CCSER1: variants seen among roughly 807,000 people sequenced by gnomAD.
CCSER1 encodes coiled-coil serine rich protein 1, also known as serine-rich coiled-coil domain-containing protein 1.
In CCSER1, 41 loss-of-function variants were observed where a neutral mutation model predicts 82.0. That is an observed-to-expected ratio of 0.50 (90% CI 0.39 to 0.65). CCSER1 has a LOEUF of 0.65. CCSER1 is among the 30% of genes least tolerant of loss of function. The pLI is 0.00. For missense variants in CCSER1, 1,119 were observed against 1,064.2 expected (o/e 1.05, Z -0.72); for synonymous variants, 414 against 383.9 (o/e 1.08, Z -0.92).
intron 10 of CCSER1, among the ~76,000 whole-genome samples, chr4:91,229,309 C>A (rs1738439774): frequency 6.8e-6 from 1 of 146,256 alleles, no homozygotes; most frequent in Non-Finnish European, 1.5e-5. Flanking sequence ...AAAAGGTACT[C>A]AAGTGAAGAA....
intron 5 of CCSER1, among the ~76,000 whole-genome samples, chr4:90,556,386 A>G (rs1484456501): frequency 6.6e-6 from 1 of 152,138 alleles, no homozygotes; most frequent in Non-Finnish European, 1.5e-5. Flanking sequence ...GTCTTAGGAT[A>G]TATATACTAA....
In CCSER1 at chr4:90,725,812, A is replaced by G. The variant is rs554701430; in HGVS notation, c.2010+1821A>G. ...ATAGAAGACATTTAAGTTTTCTTAT[A>G]ACCACATTCTGAAAAAGTCTAATAT... On this transcript the variant is annotated intron_variant, in intron 7 of 10. Transcript: ENST00000509176. Among the ~76,000 whole-genome samples the G allele has an allele frequency of 3.4e-4, 52 of 151,992 alleles. 1 individual carries two copies. In the South Asian group the frequency reaches 0.011, roughly 31 times the overall value.
At chr4:90,270,817 C>A (rs546081334) in intron 1 of CCSER1, among the ~76,000 whole-genome samples, 4 of 152,132 alleles carry the variant, frequency 2.6e-5, no homozygotes, top group African/African-American at 9.6e-5. Flanking sequence ...TCAATATATA[C>A]AATTCAGTAG....
intron 10 of CCSER1, among the ~76,000 whole-genome samples, chr4:91,437,655 C>T (rs972426518): frequency 2.4e-4 from 37 of 152,140 alleles, no homozygotes; most frequent in African/African-American, 2.4e-4. Flanking sequence ...GCGCACCCTG[C>T]GCCAGCCGAA....
chr4:90,422,147 A>G (rs1756789089), intron 4 of CCSER1, among the ~76,000 whole-genome samples: 3 of 152,204 alleles, frequency 2.0e-5, no homozygotes, highest in Admixed American at 6.5e-5. Flanking sequence ...TTGTTGGAGA[A>G]CTTGACAGGG....
At chr4:91,551,918 T>C (rs564032342) in intron 10 of CCSER1, among the ~76,000 whole-genome samples, 1 of 151,746 alleles carries the variant, frequency 6.6e-6, no homozygotes, top group African/African-American at 2.4e-5. Context: ...TTTGTAATTA[T>C]AACTTGAGCT....
chr4:91,324,294 TC>T (rs953196170), intron 10 of CCSER1, among the ~76,000 whole-genome samples: 3 of 152,164 alleles, frequency 2.0e-5, no homozygotes, highest in Non-Finnish European at 4.4e-5. Context: ...CATCAGTCTT[TC>T]GGGTCTATTT....
At chr4:90,247,864 G>T (rs116684696) in intron 1 of CCSER1, among the ~76,000 whole-genome samples, 6,801 of 150,344 alleles carry the variant, frequency 0.045, 396 homozygotes, top group African/African-American at 0.13. Flanking sequence ...GGTTTTTTTT[G>T]AAAAAAGCAT....
chr4:90,655,743 A>G (rs1729588750), intron 6 of CCSER1, among the ~76,000 whole-genome samples: 3 of 152,144 alleles, frequency 2.0e-5, no homozygotes, highest in East Asian at 1.9e-4. Context: ...GTAAACATGT[A>G]TGTGTGCATT....
chr4:90,424,763 G>A (rs1757302526), intron 4 of CCSER1, among the ~76,000 whole-genome samples: 1 of 152,076 alleles, frequency 6.6e-6, no homozygotes, highest in African/African-American at 2.4e-5. Flanking sequence ...GTATTTCATG[G>A]CCTGCTAGCA....
Position 91,300,227 on chromosome 4 carries a change from T to G in CCSER1, c.2217+214233T>G, listed in dbSNP as rs144638554. On this transcript the variant is annotated intron_variant, in intron 10 of 10. Coordinates refer to ENST00000509176, the MANE Select transcript of CCSER1 (RefSeq NM_001145065.2). ...ATATATGAACTATAATTATTTGCAA[T>G]TTTATGTTTCTGTTATCTGCTGTGG... 2.0e-5 allele frequency among the ~76,000 whole-genome samples: 3 copies of G among 152,116 alleles called. No homozygotes were observed. In the East Asian group the frequency reaches 5.8e-4, roughly 30 times the overall value.
intron 5 of CCSER1, among the ~76,000 whole-genome samples, chr4:90,477,282 C>T (rs914572231): frequency 2.0e-5 from 3 of 152,180 alleles, no homozygotes; most frequent in African/African-American, 7.2e-5. Flanking sequence ...AAATCTGAAA[C>T]ATCTCATCTC....
chr4:90,313,874 A>G (rs1455283769), intron 3 of CCSER1, among the ~76,000 whole-genome samples: 1 of 152,190 alleles, frequency 6.6e-6, no homozygotes, highest in African/African-American at 2.4e-5. Context: ...TTTAACATCT[A>G]TTATCTAAAA....
chr4:90,496,654 A>T (rs1425325741), intron 5 of CCSER1, among the ~76,000 whole-genome samples: 1 of 152,184 alleles, frequency 6.6e-6, no homozygotes, highest in Non-Finnish European at 1.5e-5. Flanking sequence ...CTTTAAATAG[A>T]TTGAAGGTAA....
At chr4:90,805,748 T>C (rs770004867) in intron 7 of CCSER1, among the ~76,000 whole-genome samples, 43 of 152,314 alleles carry the variant, frequency 2.8e-4, no homozygotes, top group Non-Finnish European at 5.3e-4. Flanking sequence ...GTCATAATTA[T>C]TAAATTATAT....
chr4:91,077,759 T>A (rs562089782), intron 9 of CCSER1, among the ~76,000 whole-genome samples: 1 of 152,332 alleles, frequency 6.6e-6, no homozygotes, highest in South Asian at 2.1e-4. Context: ...TACTGCACTT[T>A]TCCAATGGTC....
At chr4:90,441,577 T>C (rs1050268982) in intron 4 of CCSER1, among the ~76,000 whole-genome samples, 1 of 152,192 alleles carries the variant, frequency 6.6e-6, no homozygotes, top group Non-Finnish European at 1.5e-5. Flanking sequence ...TACCATCACA[T>C]TGGGGGTTAA....
chr4:91,541,726 C>T (rs2110197784), intron 10 of CCSER1, among the ~76,000 whole-genome samples: 1 of 152,224 alleles, frequency 6.6e-6, no homozygotes, highest in Middle Eastern at 3.4e-3. Flanking sequence ...GATTTATAAT[C>T]CTTTGGGTAT....
intron 10 of CCSER1, among the ~76,000 whole-genome samples, chr4:91,098,366 C>A (rs529405159): frequency 6.6e-6 from 1 of 152,184 alleles, no homozygotes; most frequent in Non-Finnish European, 1.5e-5. Context: ...AAGTAACTTG[C>A]CAACCTGCAA....
Sources: gnomAD v4.1 joint callset for allele counts (sites outside exome capture counted in the v4.1 genomes callset) on GRCh38, gnomAD v4.1.1 for gene constraint, MANE v1.5 for transcripts, NCBI Gene and HGNC (gene_info 2026-07-23, HGNC 2026-07-21) for gene names.